HCRTR2: variants seen among roughly 807,000 people sequenced by gnomAD.
The protein encoded by HCRTR2 is orexin receptor type 2.
Under a neutral mutation model 49.0 loss-of-function variants are expected in HCRTR2, and 22 were observed. The ratio of observed to expected loss-of-function variants is 0.45; its 90% confidence interval spans 0.32 to 0.64. The LOEUF (loss-of-function observed/expected upper bound fraction) is 0.64. HCRTR2 is among the 30% of genes least tolerant of loss of function. The probability of loss-of-function intolerance (pLI) is 0.04; values close to 1 mark genes in which losing one functional copy is unlikely to be tolerated. For missense variants in HCRTR2, 491 were observed against 559.4 expected (o/e 0.88, Z 1.23); for synonymous variants, 236 against 205.3 (o/e 1.15, Z -1.28).
In HCRTR2 at chr6:55,277,395, T is replaced by C. The variant is rs368394177; in HGVS notation, c.778T>C (p.Ser260Pro). The C allele has an allele frequency of 6.2e-7, 1 of 1,613,598 alleles. No homozygotes were observed. The highest frequency in any genetic ancestry group is 1.1e-5 in the South Asian group (1 of 91,068). The change falls in exon 5 of 7, where the codon TCT becomes CCT. Residue 260 changes from serine (S) to proline (P), a missense_variant. Ser to Pro is a moderately conservative substitution (Grantham distance 74). Coordinates refer to ENST00000370862, the MANE Select transcript of HCRTR2 (RefSeq NM_001384272.1). ...CTCCTTTCAGATCCCTGGAACATCA[T>C]CTGTAGTTCAGAGAAAATGGAAGCC... is the stretch of plus-strand genomic sequence containing the variant. Reference protein sequence around the residue: ...LWCRQIPGTSSVVQRKWKPLQ... With the variant: ...LWCRQIPGTSPVVQRKWKPLQ...
chr6:55,120,074 T>C (rs1764174646), intron 1 of HCRTR2, among the ~76,000 whole-genome samples: 6 of 152,154 alleles, frequency 3.9e-5, no homozygotes, highest in Admixed American at 3.9e-4. Flanking sequence ...AAAGATCAGA[T>C]GGTTGTAGAT....
At chr6:55,232,150 G>A (rs1766127163) in intron 1 of HCRTR2, among the ~76,000 whole-genome samples, 2 of 152,192 alleles carry the variant, frequency 1.3e-5, no homozygotes, top group African/African-American at 4.8e-5. Flanking sequence ...TTGCCTCAAA[G>A]AGCATCCCCT....
chr6:55,167,564 T>C (rs1581804050), intron 1 of HCRTR2, among the ~76,000 whole-genome samples: 1 of 152,206 alleles, frequency 6.6e-6, no homozygotes, highest in Admixed American at 6.5e-5. Context: ...AAATAACATG[T>C]ATTGAAAGCA....
intron 2 of HCRTR2, among the ~76,000 whole-genome samples, chr6:55,252,542 G>A (rs1176126438): frequency 5.3e-5 from 8 of 152,050 alleles, no homozygotes; most frequent in South Asian, 2.1e-4. Flanking sequence ...GTTAGCAATG[G>A]TATTGAGGGG....
intron 1 of HCRTR2, among the ~76,000 whole-genome samples, chr6:55,213,979 C>CA (rs771773826): frequency 0.063 from 8,083 of 127,794 alleles, 619 homozygotes; most frequent in African/African-American, 0.19. Context: ...GTGATGTATC[C>CA]AAAAAAAAAA....
rs141474919 is a variant in HCRTR2 at position 55,230,447 on chromosome 6, C to T, written c.224-18192C>T. ...CAGAAACTCCCAAGAGTTTGCTTAA[C>T]ACTTTAAAATGTATAATCTAAATTA... On this transcript the variant is annotated intron_variant, in intron 1 of 6. Coordinates refer to ENST00000370862, the MANE Select transcript of HCRTR2 (RefSeq NM_001384272.1). Among the ~76,000 whole-genome samples, 135 of 152,260 alleles carry T rather than the reference C, an allele frequency of 8.9e-4. 1 individual carries two copies. Among genetic ancestry groups the T allele is most frequent in the African/African-American group, 3.2e-3 (133 of 41,556 alleles).
chr6:55,272,233 T>C (rs1435782573), intron 4 of HCRTR2, among the ~76,000 whole-genome samples: 1 of 152,128 alleles, frequency 6.6e-6, no homozygotes, highest in East Asian at 1.9e-4. Flanking sequence ...CTTGAAAACA[T>C]ACTAAGTGAA....
intron 1 of HCRTR2, among the ~76,000 whole-genome samples, chr6:55,176,852 T>C (rs778876833): frequency 4.6e-5 from 7 of 152,192 alleles, no homozygotes; most frequent in South Asian, 2.1e-4. Context: ...GAGGGATTAA[T>C]GGCACTGTCA....
At chr6:55,244,690 T>A (rs926099820) in intron 1 of HCRTR2, among the ~76,000 whole-genome samples, 1 of 152,070 alleles carries the variant, frequency 6.6e-6, no homozygotes, top group African/African-American at 2.4e-5. Context: ...AATGTTTGTG[T>A]AACACAAATT....
chr6:55,147,669 C>T (rs866889285), intron 1 of HCRTR2, among the ~76,000 whole-genome samples: 8 of 152,194 alleles, frequency 5.3e-5, no homozygotes, highest in South Asian at 2.1e-4. Context: ...GATGATCTGT[C>T]GGGTGGGTTT....
chr6:55,184,971 CATAA>C (rs902903109), intron 1 of HCRTR2, among the ~76,000 whole-genome samples: 10 of 152,102 alleles, frequency 6.6e-5, no homozygotes, highest in African/African-American at 2.4e-4. Flanking sequence ...CCATATTGCT[CATAA>C]ATACTGTTTT....
intron 1 of HCRTR2, among the ~76,000 whole-genome samples, chr6:55,140,105 C>A (rs1427687910): frequency 6.6e-6 from 1 of 152,008 alleles, no homozygotes; most frequent in Non-Finnish European, 1.5e-5. Context: ...CTTATTGAGA[C>A]CAGCTGAAAA....
At chr6:55,221,546 G>T (rs967258966) in intron 1 of HCRTR2, among the ~76,000 whole-genome samples, 5 of 152,166 alleles carry the variant, frequency 3.3e-5, no homozygotes, top group African/African-American at 1.2e-4. Context: ...GGGCGTGGTG[G>T]CTCACGCCTG....
intron 1 of HCRTR2, among the ~76,000 whole-genome samples, chr6:55,214,760 A>G (rs1765758737): frequency 1.3e-5 from 2 of 152,148 alleles, no homozygotes; most frequent in South Asian, 2.1e-4. Flanking sequence ...ACATGTAAAA[A>G]GAATCAAACA....
chr6:55,209,847 G>A (rs574189163), intron 1 of HCRTR2, among the ~76,000 whole-genome samples: 13 of 152,128 alleles, frequency 8.5e-5, no homozygotes, highest in Non-Finnish European at 1.8e-4. Flanking sequence ...GTTTTCCAAT[G>A]TAATATTCTT....
intron 1 of HCRTR2, among the ~76,000 whole-genome samples, chr6:55,206,987 C>T (rs915973517): frequency 6.6e-6 from 1 of 151,892 alleles, no homozygotes; most frequent in Non-Finnish European, 1.5e-5. Flanking sequence ...AACGTAAGAC[C>T]ATTTAAAATA....
intron 1 of HCRTR2, among the ~76,000 whole-genome samples, chr6:55,142,220 G>A (rs982797360): frequency 8.6e-5 from 13 of 150,750 alleles, no homozygotes; most frequent in African/African-American, 1.5e-4. Flanking sequence ...TTTTTGAGAC[G>A]GAGTCTTGCT....
At position 55,263,722 on chromosome 6, in the gene HCRTR2, A is replaced by G. The variant is rs1482730102; in HGVS notation, c.662A>G (p.Lys221Arg). ...DERWGGEIYP[K>R]MYHICFFLVT... ...TTCATCCTAGGTGAAATTTATCCCA[A>G]GATGTACCACATCTGTTTCTTTCTG... The change falls in exon 4 of 7, where the codon AAG becomes AGG. Residue 221 changes from lysine (K) to arginine (R), a missense_variant. Transcript: ENST00000370862. 3.1e-6 allele frequency: 5 copies of G among 1,606,192 alleles called. No individual in the cohort carries two copies. In the Admixed American group the frequency reaches 5.0e-5, roughly 16 times the overall value.
intron 1 of HCRTR2, among the ~76,000 whole-genome samples, chr6:55,132,152 G>T (rs537017451): frequency 6.6e-6 from 1 of 151,826 alleles, no homozygotes; most frequent in East Asian, 1.9e-4. Context: ...ACATATAAAA[G>T]TTAATGACTA....
Sources: gnomAD v4.1 joint callset for allele counts (sites outside exome capture counted in the v4.1 genomes callset) on GRCh38, gnomAD v4.1.1 for gene constraint, MANE v1.5 for transcripts, NCBI Gene and HGNC (gene_info 2026-07-23, HGNC 2026-07-21) for gene names.